Variants in KIF13A observed in about 807,000 individuals in gnomAD.
KIF13A encodes kinesin-like protein KIF13A.
A neutral mutation model predicts 212.2 loss-of-function variants in KIF13A; 79 were observed. That is an observed-to-expected ratio of 0.37 (90% CI 0.31 to 0.45). The LOEUF is 0.45. Among genes scored for constraint, KIF13A ranks in the 20% least tolerant of loss-of-function variants. The pLI is 1.00. For synonymous variants in KIF13A, 789 were observed against 808.6 expected (o/e 0.98, Z 0.41); for missense variants, 1,901 against 2,209.0 (o/e 0.86, Z 2.79).
intron 2 of KIF13A, among the ~76,000 whole-genome samples, chr6:17,973,309 A>G (rs1434036340): frequency 6.6e-6 from 1 of 152,238 alleles, no homozygotes; most frequent in East Asian, 1.9e-4. Context: ...TGATTTTGTT[A>G]TAATGTTCTG....
In KIF13A at chr6:17,834,023, G is replaced by A; in HGVS notation, c.1204C>T (p.Leu402=). The A allele has an allele frequency of 6.2e-7, 1 of 1,604,516 alleles. No homozygotes were observed. Among genetic ancestry groups the A allele is most frequent in the African/African-American group, 1.3e-5 (1 of 74,434 alleles). ...CAAGTCACTGTTAGTTCTTTTATCA[G>A]CTTTTCAGACTCTTCGAGCTTCTCC... ...LKEKLEESEK[L]IKELTVTWEE... is the part of the protein sequence containing the mutation. Residue 402 remains leucine, a synonymous_variant, in exon 12 of 39, where the codon CTG becomes TTG. Coordinates refer to ENST00000259711, the MANE Select transcript of KIF13A (RefSeq NM_022113.6). This position sits in a 1 kb window ranked among gnomAD's most constrained non-coding sequence, Gnocchi z 4.0.
chr6:17,796,772 C>T lies in KIF13A; in HGVS notation c.2839G>A (p.Gly947Arg). The T allele has an allele frequency of 6.3e-7, 1 of 1,580,872 alleles. No individual in the cohort carries two copies. Among genetic ancestry groups the T allele is most frequent in the Non-Finnish European group, 8.6e-7 (1 of 1,161,494 alleles). The stretch of plus-strand genomic sequence containing the variant: ...CCCCATACTTCAATGGCCAGTGCTC[C>T]ATCTGAAATGAACTCCAGAAATTCT... Reference protein sequence around the residue: ...TEEFLEFISDGALAIEVWGHR... With the variant: ...TEEFLEFISDRALAIEVWGHR... The change falls in exon 23 of 39, where the codon GGA becomes AGA. Residue 947 changes from glycine (G) to arginine (R), a missense_variant. Transcript: ENST00000259711.
At chr6:17,804,937 C>G (rs1456027459) in intron 19 of KIF13A, among the ~76,000 whole-genome samples, 2 of 147,206 alleles carry the variant, frequency 1.4e-5, no homozygotes, top group East Asian at 4.3e-4. Context: ...TCTTCCTTAT[C>G]TACCTCACTT....
chr6:17,775,049 C>T lies in KIF13A; in HGVS notation c.4184G>A (p.Arg1395Gln), dbSNP rs200901764. Reference sequence around the variant, plus strand: ...TTCATCAAAGCCAGAAAGGTCCGGTCGGCTGGAAGAGACCTATAAGAGAAG... The same window carrying T: ...TTCATCAAAGCCAGAAAGGTCCGGTTGGCTGGAAGAGACCTATAAGAGAAG... ...TPNVHNVSSS[R>Q]PDLSGFDEDD... Residue 1395 changes from arginine to glutamine, a missense_variant, in exon 35 of 39, where the codon CGA becomes CAA. This residue lies in a region of KIF13A where 687 missense variants were observed against 759.1 expected (regional missense o/e 0.90). Transcript: ENST00000259711. The T allele has an allele frequency of 5.7e-5, 92 of 1,611,524 alleles. No homozygotes were observed. The highest frequency in any genetic ancestry group is 5.5e-4 in the South Asian group (50 of 90,486).
intron 2 of KIF13A, among the ~76,000 whole-genome samples, chr6:17,939,971 C>T (rs906339799): frequency 2.0e-5 from 3 of 147,968 alleles, no homozygotes; most frequent in Admixed American, 6.9e-5. Context: ...ACCTGGGAGG[C>T]GGAGCTTGCA....
chr6:17,855,680 CATACAAGGTTTCCCCAT>C lies in KIF13A; in HGVS notation c.314-80_314-64del. The stretch of plus-strand genomic sequence containing the variant: ...AGGGAGCAAAATGCAATGCTTCAAC[CATACAAGGTTTCCCCAT>C]ATACTGGCCATGGTAACATAGCAGA... On this transcript the variant is annotated intron_variant, in intron 5 of 38. Transcript: ENST00000259711. This position sits in a 1 kb window ranked among gnomAD's most constrained non-coding sequence, Gnocchi z 4.1. 1.5e-6 allele frequency: 2 copies of C among 1,320,492 alleles called. No homozygotes were observed. Among genetic ancestry groups the C allele is most frequent in the Non-Finnish European group, 2.1e-6 (2 of 963,870 alleles). 81.8% of individuals were successfully genotyped at this position (1,320,492 alleles called of 1,614,324 possible).
intron 2 of KIF13A, among the ~76,000 whole-genome samples, chr6:17,960,894 C>A (rs1177333947): frequency 6.6e-6 from 1 of 152,168 alleles, no homozygotes; most frequent in Non-Finnish European, 1.5e-5. Flanking sequence ...TTCATTCTTT[C>A]ATTGTTTTTG....
intron 16 of KIF13A, among the ~76,000 whole-genome samples, chr6:17,820,453 A>C (rs1398423328): frequency 6.6e-6 from 1 of 152,192 alleles, no homozygotes; most frequent in African/African-American, 2.4e-5. Context: ...AAATCAATTA[A>C]CCAGTTTCAA....
In KIF13A at chr6:17,982,459, C is replaced by T. The variant is rs1406957748; in HGVS notation, c.146+4595G>A. ...GACAGGGATACCGCTGGTGAATAAA[C>T]TAAAAAATACATACAAAGTTTAGTA... is the stretch of plus-strand genomic sequence containing the variant. On this transcript the variant is annotated intron_variant, in intron 2 of 38. Coordinates refer to ENST00000259711, the MANE Select transcript of KIF13A (RefSeq NM_022113.6). This position sits in a 1 kb window ranked among gnomAD's most constrained non-coding sequence, Gnocchi z 5.1. 1.0e-6 allele frequency: 1 copy of T among 982,540 alleles called. No individual in the cohort carries two copies. Among genetic ancestry groups the T allele is most frequent in the Admixed American group, 6.2e-5 (1 of 16,230 alleles). 60.9% of individuals were successfully genotyped at this position (982,540 alleles called of 1,614,324 possible).
chr6:17,978,479 TTGATAGCTC>T (rs1364959403), intron 2 of KIF13A, among the ~76,000 whole-genome samples: 2 of 152,242 alleles, frequency 1.3e-5, no homozygotes, highest in Non-Finnish European at 2.9e-5. Flanking sequence ...ACATCCTTTG[TTGATAGCTC>T]TGACATTAAT....
chr6:17,762,743 G>A (rs1758644406), downstream of KIF13A, among the ~76,000 whole-genome samples: 1 of 152,236 alleles, frequency 6.6e-6, no homozygotes, highest in Non-Finnish European at 1.5e-5. Context: ...TTGCTTGCAA[G>A]AATGGTGGTG....
Position 17,920,341 on chromosome 6 carries a change from T to C in KIF13A, c.147-22161A>G, listed in dbSNP as rs142226075. ...AATGAAAGGTGGGAAGGAGAGAGGATAGGAAGAACACTTTTTTCTTTTACA... is the reference window on the plus strand; with the variant it reads ...AATGAAAGGTGGGAAGGAGAGAGGACAGGAAGAACACTTTTTTCTTTTACA... On this transcript the variant is annotated intron_variant, in intron 2 of 38. Coordinates refer to ENST00000259711, the MANE Select transcript of KIF13A (RefSeq NM_022113.6). Among the ~76,000 whole-genome samples the C allele has an allele frequency of 3.0e-3, 461 of 152,312 alleles. 1 individual carries two copies. The Middle Eastern group carries it at 0.034, about 11-fold the overall frequency.
At chr6:17,909,879 G>A (rs548367464) in intron 2 of KIF13A, among the ~76,000 whole-genome samples, 10 of 152,028 alleles carry the variant, frequency 6.6e-5, no homozygotes, top group Non-Finnish European at 1.2e-4. Context: ...GTGAGACTCC[G>A]TCTCAAAACA....
chr6:17,861,597 C>T (rs377531493), intron 4 of KIF13A, among the ~76,000 whole-genome samples: 8 of 152,182 alleles, frequency 5.3e-5, no homozygotes, highest in African/African-American at 1.7e-4. Flanking sequence ...CAACAACAAT[C>T]CCTGTGATCA....
At position 17,835,066 on chromosome 6, in the gene KIF13A, A is replaced by G. The variant is rs547211430; in HGVS notation, c.1156-995T>C. On this transcript the variant is annotated intron_variant, in intron 11 of 38. Transcript: ENST00000259711. ...GTATAATGGCGCATGCCTGTCTGTA[A>G]TCCTAGCTACTTGGGAGGCTGAGGC... Among the ~76,000 whole-genome samples, 3 of 151,934 alleles carry G rather than the reference A, an allele frequency of 2.0e-5. No homozygotes were observed. In the South Asian group the frequency reaches 6.2e-4, roughly 32 times the overall value.
chr6:17,946,972 T>G (rs575581460), intron 2 of KIF13A, among the ~76,000 whole-genome samples: 1 of 152,200 alleles, frequency 6.6e-6, no homozygotes, highest in African/African-American at 2.4e-5. Context: ...TCATCGAAAC[T>G]GTACACTTAA....
chr6:17,912,119 A>G lies in KIF13A; in HGVS notation c.147-13939T>C, dbSNP rs1445584415. Among the ~76,000 whole-genome samples, 1 of 152,222 alleles carries G rather than the reference A, an allele frequency of 6.6e-6. No individual in the cohort carries two copies. Among genetic ancestry groups the G allele is most frequent in the East Asian group, 1.9e-4 (1 of 5,196 alleles). ...AAAAGAGTATAATTGGATTGTTTGTAATATAAAGGATAAATGCTTGAGGGG... is the reference window on the plus strand; with the variant it reads ...AAAAGAGTATAATTGGATTGTTTGTGATATAAAGGATAAATGCTTGAGGGG... On this transcript the variant is annotated intron_variant, in intron 2 of 38. Coordinates refer to ENST00000259711, the MANE Select transcript of KIF13A (RefSeq NM_022113.6). The surrounding 1 kb of genome is among the most constrained non-coding windows in gnomAD (Gnocchi z 4.2).
chr6:17,775,109 T>C (rs895418132), intron 34 of KIF13A, 47 bp from the exon 35 acceptor site: 4 of 1,468,808 alleles, frequency 2.7e-6, no homozygotes, highest in Admixed American at 4.0e-5. Flanking sequence ...ATATTTAATA[T>C]AAGGGGTTTT....
intron 2 of KIF13A, among the ~76,000 whole-genome samples, chr6:17,939,332 G>C (rs988224401): frequency 2.0e-5 from 3 of 152,208 alleles, no homozygotes; most frequent in Admixed American, 2.0e-4. Flanking sequence ...ATACTTCATT[G>C]TAACACAACA....
Sources: allele counts gnomAD v4.1 joint callset (sites outside exome capture counted in the v4.1 genomes callset), GRCh38; gene constraint gnomAD v4.1.1; regional missense constraint gnomAD v4.1.1; non-coding constraint Gnocchi (gnomAD v3.1); transcripts MANE v1.5; gene names NCBI Gene and HGNC (gene_info 2026-07-23, HGNC 2026-07-21).